The following NTM variants were observed in gnomAD, a reference collection of about 807,000 sequenced individuals.
NTM encodes the protein IgLON family member 2.
In NTM, 13 loss-of-function variants were observed where a neutral mutation model predicts 42.1. The observed-to-expected ratio is 0.31, with a 90% CI of 0.20 to 0.49. The LOEUF is 0.49. Among genes scored for constraint, NTM ranks in the 20% least tolerant of loss-of-function variants. NTM has a pLI of 0.99. For synonymous variants in NTM, 187 were observed against 179.2 expected, an observed-to-expected ratio of 1.04 and a Z score of -0.35; for missense variants, 373 against 452.8, an observed-to-expected ratio of 0.82 and a Z score of 1.60.
chr11:132,110,769 T>C (rs1171481555), intron 2 of NTM, among the ~76,000 whole-genome samples: 2 of 152,068 alleles, frequency 1.3e-5, no homozygotes, highest in Non-Finnish European at 2.9e-5. Flanking sequence ...GCATGGTGGC[T>C]GATGCCTGTA....
intron 3 of NTM, among the ~76,000 whole-genome samples, chr11:132,178,222 T>A (rs1190775189): frequency 1.3e-5 from 2 of 152,144 alleles, no homozygotes; most frequent in African/African-American, 4.8e-5. Context: ...AACACATGGT[T>A]GGGAGGGGCT....
intron 2 of NTM, among the ~76,000 whole-genome samples, chr11:131,959,479 A>T (rs1460968156): frequency 3.9e-5 from 6 of 151,942 alleles, no homozygotes; most frequent in East Asian, 3.9e-4. Flanking sequence ...TAAAATAATT[A>T]AAAAAAATTA....
At chr11:132,114,544 T>C (rs896661545) in intron 2 of NTM, among the ~76,000 whole-genome samples, 3 of 152,228 alleles carry the variant, frequency 2.0e-5, no homozygotes, top group African/African-American at 2.4e-5. Context: ...CTTTGCTGCC[T>C]GCCTTCCTTC....
chr11:132,010,858 G>C (rs2072016571), intron 2 of NTM, among the ~76,000 whole-genome samples: 2 of 151,994 alleles, frequency 1.3e-5, no homozygotes, highest in African/African-American at 4.8e-5. Flanking sequence ...ATCATTTATT[G>C]GTGCCAAGTG....
intron 1 of NTM, among the ~76,000 whole-genome samples, chr11:131,552,458 G>A (rs2054806031): frequency 6.7e-6 from 1 of 149,852 alleles, no homozygotes; most frequent in Admixed American, 6.7e-5. Flanking sequence ...GCAGCCTCAA[G>A]AGGCCACTGC....
chr11:132,157,450 AGAT>A (rs2073423716), intron 3 of NTM, among the ~76,000 whole-genome samples: 1 of 152,176 alleles, frequency 6.6e-6, no homozygotes, highest in Non-Finnish European at 1.5e-5. Context: ...TTCAAAACTA[AGAT>A]GATACTTTTT....
chr11:131,445,797 A>T (rs1421241639), intron 1 of NTM, among the ~76,000 whole-genome samples: 3 of 152,038 alleles, frequency 2.0e-5, no homozygotes, highest in African/African-American at 7.2e-5. Context: ...TTTTTCTTTG[A>T]GGTCAAGGGT....
rs56256717 is a variant in NTM at position 131,400,979 on chromosome 11, CCACACACACA to C, written c.82+30114_82+30123del. Among the ~76,000 whole-genome samples, 19 of 141,688 alleles carry C rather than the reference CCACACACACA, an allele frequency of 1.3e-4. No individual in the cohort carries two copies. The South Asian group carries it at 2.4e-3, about 18-fold the overall frequency. 93.0% of individuals were successfully genotyped at this position (141,688 alleles called of 152,430 possible). ...CCTTCCCTGCCACCCCTGCCACCTG[CCACACACACA>C]CACACACACACACACACACACAGAA... On this transcript the variant is annotated intron_variant, in intron 1 of 8. Transcript: ENST00000683400.
At chr11:132,012,583 A>G (rs1240949021) in intron 2 of NTM, among the ~76,000 whole-genome samples, 1 of 152,196 alleles carries the variant, frequency 6.6e-6, no homozygotes, top group Non-Finnish European at 1.5e-5. Flanking sequence ...GGATTCCTTA[A>G]TTGTTAAAGC....
chr11:131,865,567 T>C (rs1054910297), intron 1 of NTM, among the ~76,000 whole-genome samples: 1 of 152,180 alleles, frequency 6.6e-6, no homozygotes, highest in Non-Finnish European at 1.5e-5. Flanking sequence ...TTAGTACAGT[T>C]GCATGCACGT....
intron 4 of NTM, among the ~76,000 whole-genome samples, chr11:132,221,269 T>C (rs944413070): frequency 2.0e-5 from 3 of 152,186 alleles, no homozygotes; most frequent in African/African-American, 7.2e-5. Context: ...TGCAAGAATG[T>C]CGGGGGCTCT....
intron 2 of NTM, among the ~76,000 whole-genome samples, chr11:131,920,003 G>A (rs144272068): frequency 1.4e-3 from 208 of 152,242 alleles, no homozygotes; most frequent in Middle Eastern, 6.8e-3. Context: ...GAGAGGGAGC[G>A]AGAAGAAAGA....
At chr11:131,412,167 C>T (rs1461207020) in intron 1 of NTM, among the ~76,000 whole-genome samples, 2 of 152,184 alleles carry the variant, frequency 1.3e-5, no homozygotes, top group African/African-American at 4.8e-5. Flanking sequence ...AGCCTGGAAA[C>T]TCCTGCCAGA....
chr11:131,893,389 G>A (rs544108801), intron 1 of NTM, among the ~76,000 whole-genome samples: 8 of 152,292 alleles, frequency 5.3e-5, no homozygotes, highest in Admixed American at 4.6e-4. Context: ...TAGCTAATGA[G>A]GGGGTGTTGT....
intron 1 of NTM, among the ~76,000 whole-genome samples, chr11:131,792,657 G>C (rs1455895247): frequency 6.6e-6 from 1 of 152,132 alleles, no homozygotes; most frequent in Non-Finnish European, 1.5e-5. Flanking sequence ...TGGCTTAGAC[G>C]GTGATGCTGA....
chr11:131,775,740 T>C (rs2135957580), intron 1 of NTM, among the ~76,000 whole-genome samples: 1 of 152,326 alleles, frequency 6.6e-6, no homozygotes, highest in Non-Finnish European at 1.5e-5. Flanking sequence ...GTATATTTAT[T>C]CTAGGAGCTT....
At chr11:131,482,767 A>T (rs374448870) in intron 1 of NTM, among the ~76,000 whole-genome samples, 1 of 152,218 alleles carries the variant, frequency 6.6e-6, no homozygotes, top group Non-Finnish European at 1.5e-5. Context: ...GGATAGACAG[A>T]GACAGAACTA....
At chr11:131,462,821 T>C (rs1951520320) in intron 1 of NTM, among the ~76,000 whole-genome samples, 2 of 151,736 alleles carry the variant, frequency 1.3e-5, no homozygotes, top group African/African-American at 4.8e-5. Flanking sequence ...CAGGCCCACC[T>C]AGGGTGGTCC....
intron 4 of NTM, among the ~76,000 whole-genome samples, chr11:132,268,473 T>C (rs1334105465): frequency 6.6e-6 from 1 of 152,188 alleles, no homozygotes; most frequent in African/African-American, 2.4e-5. Flanking sequence ...TTGTTTTATT[T>C]TTGTTTTAGA....
Sources: gnomAD v4.1 joint callset for allele counts (sites outside exome capture counted in the v4.1 genomes callset) on GRCh38, gnomAD v4.1.1 for gene constraint, MANE v1.5 for transcripts, NCBI Gene and HGNC (gene_info 2026-07-23, HGNC 2026-07-21) for gene names.